The following CHD1 variants were observed in gnomAD, a reference collection of about 807,000 sequenced individuals.
CHD1 encodes the protein chromodomain helicase DNA binding protein 1.
Under a neutral mutation model 224.2 loss-of-function variants are expected in CHD1, and 36 were observed. The observed-to-expected ratio is 0.16, with a 90% confidence interval of 0.12 to 0.21. The LOEUF (loss-of-function observed/expected upper bound fraction) is 0.21, where lower values mean the gene tolerates loss of function less well. Among genes scored for constraint, CHD1 ranks in the 10% least tolerant of loss-of-function variants. The probability of loss-of-function intolerance (pLI) is 1.00; values close to 1 mark genes in which losing one functional copy is unlikely to be tolerated. For missense variants in CHD1, 1,378 were observed against 1,994.8 expected (o/e 0.69, Z 5.89); for synonymous variants, 668 against 658.3 (o/e 1.01, Z -0.23).
intron 15 of CHD1, among the ~76,000 whole-genome samples, chr5:98,890,282 C>T (rs1750928387): frequency 6.6e-6 from 1 of 152,158 alleles, no homozygotes; most frequent in African/African-American, 2.4e-5. Context: ...TCTCAAATAT[C>T]TAGTGTACAT....
chr5:98,924,712 A>G (rs533316574), intron 2 of CHD1, among the ~76,000 whole-genome samples: 14 of 152,228 alleles, frequency 9.2e-5, no homozygotes, highest in Non-Finnish European at 2.1e-4. Context: ...GTGGTGGCTC[A>G]TGCCTATAAT....
intron 2 of CHD1, among the ~76,000 whole-genome samples, chr5:98,922,225 C>A (rs1394607950): frequency 1.3e-5 from 2 of 152,088 alleles, no homozygotes; most frequent in African/African-American, 4.8e-5. Flanking sequence ...GCAAATACCA[C>A]CACAAATCCA....
intron 33 of CHD1, 94 bp from the exon 34 acceptor site, chr5:98,859,109 T>C (rs370380090): frequency 1.8e-5 from 16 of 883,664 alleles, no homozygotes; most frequent in African/African-American, 5.3e-5. Context: ...GATAATGAAG[T>C]CTTCACACAA....
At position 98,863,388 on chromosome 5, in the gene CHD1, C is replaced by A; in HGVS notation, c.4427+20G>T. ...TTATATAATATAAATTTAACACTTC[C>A]TGAAAAGTGTATCACTTACTTTCTC... On this transcript the variant is annotated intron_variant, in intron 32 of 35. Transcript: ENST00000614616. The A allele has an allele frequency of 7.1e-7, 1 of 1,405,882 alleles. No individual in the cohort carries two copies. The allele number at this position is 1,405,882 out of a possible 1,614,324, so 87.1% of individuals were successfully genotyped here. A position where few individuals can be genotyped will look rare whatever the true frequency, so the allele number is the denominator to read the frequency against.
intron 32 of CHD1, 146 bp from the exon 33 acceptor site, chr5:98,860,214 TA>T: frequency 1.5e-6 from 1 of 650,160 alleles, no homozygotes; most frequent in Non-Finnish European, 2.9e-6. Context: ...TTAATTTTCC[TA>T]TGCATTTTTT....
chr5:98,901,116 T>C (rs772715916), intron 6 of CHD1, 34 bp from the exon 7 acceptor site: 52 of 1,567,304 alleles, frequency 3.3e-5, no homozygotes, highest in Non-Finnish European at 4.5e-5. Context: ...AAAACAAGAT[T>C]TGAGAAACTA....
At chr5:98,926,253 T>C (rs1561285922) in intron 2 of CHD1, 81 bp downstream of exon 2, 2 of 862,218 alleles carry the variant, frequency 2.3e-6, no homozygotes, top group Admixed American at 5.7e-5. Context: ...GAAAACTAAA[T>C]AACAACAATA....
rs577908411 is a variant in CHD1, at chr5:98,919,954, T to C, written c.53+6380A>G. On this transcript the variant is annotated intron_variant, in intron 2 of 35. Coordinates refer to ENST00000614616, the MANE Select transcript of CHD1 (RefSeq NM_001270.4). ...CCAAGGCTCCTTGGAGAGTGGCTGA[T>C]TCTAGGGTAAAAGTAAGGCAGTGTG... is the stretch of plus-strand genomic sequence containing the variant. Among the ~76,000 whole-genome samples, 24 of 152,274 alleles carry C rather than the reference T, an allele frequency of 1.6e-4. No homozygotes were observed. In the East Asian group the frequency reaches 4.6e-3, roughly 29 times the overall value.
chr5:98,859,141 G>A (rs1580343338), intron 33 of CHD1, 126 bp from the exon 34 acceptor site: 1 of 640,514 alleles, frequency 1.6e-6, no homozygotes, highest in Non-Finnish European at 2.7e-6. Flanking sequence ...GTTTATGTGT[G>A]TATATATACA....
Position 98,898,288 on chromosome 5 carries a change from G to C in CHD1, c.1333C>G (p.Gln445Glu). 6.5e-7 allele frequency: 1 copy of C among 1,547,410 alleles called. No homozygotes were observed. Among genetic ancestry groups the C allele is most frequent in the Non-Finnish European group, 8.7e-7 (1 of 1,149,190 alleles). The change falls in exon 10 of 36, where the codon CAA becomes GAA. Residue 445 changes from glutamine (Q) to glutamate (E), a missense_variant. Coordinates refer to ENST00000614616, the MANE Select transcript of CHD1 (RefSeq NM_001270.4). ...TCTTTAAAAGGAGTGGTTTTTGATT[G>C]GTTCCTGCTAAAATACTCATCAATG... is the stretch of plus-strand genomic sequence containing the variant. ...ACIDEYFSRN[Q>E]SKTTPFKDCK...
intron 12 of CHD1, among the ~76,000 whole-genome samples, 175 bp from the exon 13 acceptor site, chr5:98,894,861 G>T (rs1271679116): frequency 1.3e-5 from 2 of 149,396 alleles, no homozygotes; most frequent in African/African-American, 2.5e-5. Context: ...TGCTCTTGTT[G>T]TCCAGGGTGG....
At chr5:98,871,463 AATAAAT>A (rs1749339957) in intron 28 of CHD1, among the ~76,000 whole-genome samples, 1 of 151,668 alleles carries the variant, frequency 6.6e-6, no homozygotes, top group Non-Finnish European at 1.5e-5. Context: ...GTTTTTTAAA[AATAAAT>A]ATAAAAGATT....
In CHD1 at chr5:98,885,634, T is replaced by C. The variant is rs751449134; in HGVS notation, c.2512A>G (p.Ile838Val). The C allele has an allele frequency of 1.9e-6, 3 of 1,594,944 alleles. No individual in the cohort carries two copies. Among genetic ancestry groups the C allele is most frequent in the Non-Finnish European group, 2.6e-6 (3 of 1,165,202 alleles). ...QFPFQRLDGSIKGELRKQALD... is the reference protein window; with the variant it reads ...QFPFQRLDGSVKGELRKQALD... Reference sequence around the variant, plus strand: ...GCTTGTTTCCTCAGTTCTCCTTTTATTGATCCATCTAATCTCTAGAAAAAA... The same window carrying C: ...GCTTGTTTCCTCAGTTCTCCTTTTACTGATCCATCTAATCTCTAGAAAAAA... The change falls in exon 18 of 36, where the codon ATA becomes GTA. Residue 838 changes from isoleucine to valine, a missense_variant. Coordinates refer to ENST00000614616, the MANE Select transcript of CHD1 (RefSeq NM_001270.4).
At chr5:98,910,536 T>C (rs1392965161) in intron 2 of CHD1, among the ~76,000 whole-genome samples, 1 of 152,176 alleles carries the variant, frequency 6.6e-6, no homozygotes, top group African/African-American at 2.4e-5. Flanking sequence ...CAGAACAAGC[T>C]ATGGTCAGAA....
chr5:98,881,602 C>T (rs947914776), intron 20 of CHD1, among the ~76,000 whole-genome samples: 6 of 151,888 alleles, frequency 4.0e-5, no homozygotes, highest in Admixed American at 6.6e-5. Context: ...CTCCGCCTCC[C>T]GGGCTCAACT....
chr5:98,923,665 G>A (rs975137715), intron 2 of CHD1, among the ~76,000 whole-genome samples: 5 of 152,026 alleles, frequency 3.3e-5, no homozygotes, highest in South Asian at 2.1e-4. Flanking sequence ...CTGCCTGCTC[G>A]GCCTCCCAAA....
In CHD1 at chr5:98,856,163, G is replaced by T; in HGVS notation, c.*217C>A. ...TCTTTAAAAAAGAAAACAAAAAAAA[G>T]TACTACAATTTTGTAGTACAGTGCA... is the stretch of plus-strand genomic sequence containing the variant. On this transcript the variant is annotated 3_prime_UTR_variant, in exon 36 of 36. Transcript: ENST00000614616. 1 of 393,986 alleles carries T rather than the reference G, an allele frequency of 2.5e-6. No individual in the cohort carries two copies. Among genetic ancestry groups the T allele is most frequent in the African/African-American group, 2.0e-5 (1 of 50,446 alleles). The allele number at this position is 393,986 out of a possible 1,614,324, so 24.4% of individuals were successfully genotyped here.
chr5:98,878,928 A>C (rs1445292349), intron 23 of CHD1, among the ~76,000 whole-genome samples: 1 of 152,258 alleles, frequency 6.6e-6, no homozygotes, highest in Non-Finnish European at 1.5e-5. Context: ...CTAAGCTTGC[A>C]CCTTAAGAAA....
intron 31 of CHD1, among the ~76,000 whole-genome samples, chr5:98,867,347 C>T (rs533530575): frequency 6.6e-6 from 1 of 152,270 alleles, no homozygotes; most frequent in East Asian, 1.9e-4. Context: ...AAAACTGAGC[C>T]TGTTTAGAAA....
Sources: allele counts gnomAD v4.1 joint callset (sites outside exome capture counted in the v4.1 genomes callset), GRCh38; gene constraint gnomAD v4.1.1; transcripts MANE v1.5; gene names NCBI Gene and HGNC (gene_info 2026-07-23, HGNC 2026-07-21).